The following CCDC146 variants were observed in gnomAD, a reference collection of about 807,000 sequenced individuals.
CCDC146 encodes the protein coiled-coil domain-containing protein 146.
Under a neutral mutation model 119.3 loss-of-function variants are expected in CCDC146, and 92 were observed. That is an observed-to-expected ratio of 0.77 (90% CI 0.65 to 0.92). The LOEUF (loss-of-function observed/expected upper bound fraction) is 0.92. CCDC146 is among the 40% of genes least tolerant of loss of function. CCDC146 has a pLI of 0.00. For synonymous variants in CCDC146, 372 were observed against 371.8 expected (o/e 1.00, Z -0.01); for missense variants, 1,000 against 1,103.0 (o/e 0.91, Z 1.32).
At chr7:77,170,011 A>G (rs34997389) in intron 2 of CCDC146, among the ~76,000 whole-genome samples, 1 of 152,092 alleles carries the variant, frequency 6.6e-6, no homozygotes, top group Non-Finnish European at 1.5e-5. Context: ...ATATTTTTTA[A>G]TCTAACTTTT....
chr7:77,237,317 C>G (rs1792756835), intron 3 of CCDC146, among the ~76,000 whole-genome samples: 2 of 152,198 alleles, frequency 1.3e-5, no homozygotes, highest in African/African-American at 4.8e-5. Flanking sequence ...TCAGCACTCT[C>G]CCACTGAAGA....
intron 2 of CCDC146, among the ~76,000 whole-genome samples, chr7:77,218,939 G>A (rs970663745): frequency 6.6e-6 from 1 of 152,074 alleles, no homozygotes; most frequent in Non-Finnish European, 1.5e-5. Context: ...AAAAGCACCT[G>A]CAGAGTGTAT....
chr7:77,148,785 C>A (rs543136716), intron 1 of CCDC146, among the ~76,000 whole-genome samples: 2 of 151,990 alleles, frequency 1.3e-5, no homozygotes, highest in Non-Finnish European at 2.9e-5. Flanking sequence ...ATGTGAAGAA[C>A]CTCTTCATAG....
At chr7:77,278,621 T>G (rs966883333) in intron 11 of CCDC146, 131 bp from the exon 12 acceptor site, 8 of 636,426 alleles carry the variant, frequency 1.3e-5, no homozygotes, top group African/African-American at 5.6e-5. Flanking sequence ...AATTTTTTTA[T>G]TTTTGTAGAG....
chr7:77,260,136 G>C lies in CCDC146; in HGVS notation c.886G>C (p.Gly296Arg). Residue 296 changes from glycine to arginine, a missense_variant, in exon 8 of 19, where the codon GGC becomes CGC. By Grantham distance (125) the Gly-to-Arg change is moderately radical. Transcript: ENST00000285871. ...EKENVIKEVE[G>R]KRALLEIKER... is the part of the protein sequence containing the mutation. ...GGAAAATGTAATAAAGGAAGTTGAA[G>C]GCAAACGAGCCTTACTTGAAATCAA... 3.7e-6 allele frequency: 6 copies of C among 1,613,894 alleles called. No homozygotes were observed. The South Asian group carries it at 5.5e-5, about 15-fold the overall frequency.
At chr7:77,165,925 A>G (rs141860902) in intron 1 of CCDC146, among the ~76,000 whole-genome samples, 279 of 152,378 alleles carry the variant, frequency 1.8e-3, no homozygotes, top group African/African-American at 6.3e-3. Flanking sequence ...TAAAATATCC[A>G]TAAGTTTAGG....
chr7:77,151,632 A>T (rs1791110032), intron 1 of CCDC146, among the ~76,000 whole-genome samples: 1 of 151,938 alleles, frequency 6.6e-6, no homozygotes, highest in Non-Finnish European at 1.5e-5. Context: ...ATTTAAATTA[A>T]AAAAAAACTC....
chr7:77,264,664 G>A (rs1793367095), intron 9 of CCDC146, among the ~76,000 whole-genome samples: 1 of 152,064 alleles, frequency 6.6e-6, no homozygotes, highest in Admixed American at 6.5e-5. Flanking sequence ...TTAAATTCTT[G>A]TATTTAGTCT....
chr7:77,226,368 C>T (rs1473641277), intron 2 of CCDC146, among the ~76,000 whole-genome samples: 1 of 152,184 alleles, frequency 6.6e-6, no homozygotes, highest in African/African-American at 2.4e-5. Flanking sequence ...TAGCTGTGAC[C>T]ACCTTGGACA....
Position 77,287,455 on chromosome 7 carries a change from G to A in CCDC146, c.2293G>A (p.Ala765Thr), listed in dbSNP as rs1353721067. ...TCAAACATAGCTGGAACTACAACTG[G>A]CCAAGAAGGAGGAGAAGCTGCTGGA... is the stretch of plus-strand genomic sequence containing the variant. The part of the protein sequence containing the change: ...QKLDKLELQL[A>T]KKEEKLLEKD... Residue 765 changes from alanine to threonine, a missense_variant, in exon 17 of 19, where the codon GCC becomes ACC. Ala to Thr is a moderately conservative substitution (Grantham distance 58). This residue lies in a region of CCDC146 where 985 missense variants were observed against 1,045.3 expected (regional missense o/e 0.94). Coordinates refer to ENST00000285871, the MANE Select transcript of CCDC146 (RefSeq NM_020879.3). 3.1e-6 allele frequency: 5 copies of A among 1,613,974 alleles called. No individual in the cohort carries two copies. The highest frequency in any genetic ancestry group is 1.7e-5 in the Admixed American group (1 of 60,018).
At chr7:77,261,760 A>G (rs1793304358) in intron 8 of CCDC146, among the ~76,000 whole-genome samples, 1 of 151,888 alleles carries the variant, frequency 6.6e-6, no homozygotes, top group South Asian at 2.1e-4. Flanking sequence ...TACAGGCGTG[A>G]GCCACCGCGC....
intron 1 of CCDC146, among the ~76,000 whole-genome samples, chr7:77,148,445 G>A (rs2117439073): frequency 6.6e-6 from 1 of 152,212 alleles, no homozygotes; most frequent in South Asian, 2.1e-4. Flanking sequence ...GAGCCCCAGT[G>A]AGATGAACCC....
intron 2 of CCDC146, among the ~76,000 whole-genome samples, chr7:77,191,715 T>C (rs774621201): frequency 6.6e-6 from 1 of 152,032 alleles, no homozygotes; most frequent in Admixed American, 6.5e-5. Context: ...GAGACCATCC[T>C]GGCTAACACG....
intron 2 of CCDC146, among the ~76,000 whole-genome samples, chr7:77,187,737 G>A (rs1791693487): frequency 6.6e-6 from 1 of 152,130 alleles, no homozygotes; most frequent in Non-Finnish European, 1.5e-5. Flanking sequence ...ACTATTGGGA[G>A]GATAATACCA....
At chr7:77,245,485 T>C (rs1370742021) in intron 4 of CCDC146, among the ~76,000 whole-genome samples, 1 of 152,172 alleles carries the variant, frequency 6.6e-6, no homozygotes, top group East Asian at 1.9e-4. Flanking sequence ...TTCTGACCAG[T>C]CTTGGTCAGT....
intron 1 of CCDC146, among the ~76,000 whole-genome samples, chr7:77,125,057 A>G (rs71555954): frequency 0.011 from 1,614 of 150,938 alleles, no homozygotes; most frequent in African/African-American, 0.037. Context: ...AGCTTGGCGT[A>G]GTGATGGACA....
Position 77,262,253 on chromosome 7 carries a change from G to C in CCDC146, c.1119G>C (p.Val373=). ...GAAAGATGGAACTGCTCTTGAAAGT[G>C]TCCTGGGATGCACTTAGGCAAACTC... ...NLRKMELLLK[V]SWDALRQTQA... is the part of the protein sequence containing the mutation. Residue 373 remains valine (V), a synonymous_variant, in exon 9 of 19, where the codon GTG becomes GTC. Coordinates refer to ENST00000285871, the MANE Select transcript of CCDC146 (RefSeq NM_020879.3). 1 of 1,613,970 alleles carries C rather than the reference G, an allele frequency of 6.2e-7. No homozygotes were observed.
intron 9 of CCDC146, among the ~76,000 whole-genome samples, chr7:77,264,603 C>T (rs1288880153): frequency 6.6e-6 from 1 of 152,184 alleles, no homozygotes; most frequent in Non-Finnish European, 1.5e-5. Context: ...TGGTGTGTCT[C>T]ATATACACAG....
rs187348424 is a variant in CCDC146, at chr7:77,223,563, T to G, written c.157-13384T>G. 4.6e-3 allele frequency among the ~76,000 whole-genome samples: 694 copies of G among 152,318 alleles called. 5 individuals carry two copies. The highest frequency in any genetic ancestry group is 5.5e-3 in the Non-Finnish European group (373 of 68,026). On this transcript the variant is annotated intron_variant, in intron 2 of 18. Coordinates refer to ENST00000285871, the MANE Select transcript of CCDC146 (RefSeq NM_020879.3). ...AGAGCTGTGAGCAAGGCAGCTAGTT[T>G]TGTAAGGCACACTTTGCTCTTCCAG... is the stretch of plus-strand genomic sequence containing the variant.
Sources: allele counts gnomAD v4.1 joint callset (sites outside exome capture counted in the v4.1 genomes callset), GRCh38; gene constraint gnomAD v4.1.1; regional missense constraint gnomAD v4.1.1; transcripts MANE v1.5; gene names NCBI Gene and HGNC (gene_info 2026-07-23, HGNC 2026-07-21).